RERE: variants seen among roughly 807,000 people sequenced by gnomAD.
The protein encoded by RERE is arginine-glutamic acid dipeptide repeats protein.
RERE carries 40 observed loss-of-function variants against 146.1 expected under a neutral mutation model. That is an observed-to-expected ratio of 0.27 (90% CI 0.21 to 0.36). The LOEUF (loss-of-function observed/expected upper bound fraction) is 0.36, where lower values mean the gene tolerates loss of function less well. RERE is among the 10% of genes least tolerant of loss of function. The pLI is 1.00. For missense variants in RERE, 1,933 were observed against 2,138.7 expected, an observed-to-expected ratio of 0.90 and a Z score of 1.90; for synonymous variants, 1,003 against 866.0, an observed-to-expected ratio of 1.16 and a Z score of -2.78.
chr1:8,576,298 A>C (rs767995797), intron 4 of RERE, among the ~76,000 whole-genome samples: 5 of 152,224 alleles, frequency 3.3e-5, no homozygotes, highest in African/African-American at 4.8e-5. Context: ...TGGAGAAATA[A>C]ATTTTAGTGC....
intron 2 of RERE, among the ~76,000 whole-genome samples, chr1:8,651,095 CA>C (rs200681098): frequency 3.9e-4 from 57 of 144,906 alleles, no homozygotes; most frequent in African/African-American, 4.5e-4. Context: ...GACTACGTCT[CA>C]AAAAAAAAAA....
chr1:8,578,757 C>T (rs998437213), intron 4 of RERE, among the ~76,000 whole-genome samples: 1 of 152,142 alleles, frequency 6.6e-6, no homozygotes, highest in Admixed American at 6.5e-5. Flanking sequence ...AAGGAAGCTG[C>T]TCCAGTTGAA....
chr1:8,673,301 G>A (rs904523046), intron 1 of RERE, among the ~76,000 whole-genome samples: 1 of 152,094 alleles, frequency 6.6e-6, no homozygotes, highest in Non-Finnish European at 1.5e-5. Context: ...TCACCACGTT[G>A]GCCAGGCTGG....
chr1:8,365,151 C>A (rs1428451076), intron 13 of RERE, among the ~76,000 whole-genome samples: 1 of 152,258 alleles, frequency 6.6e-6, no homozygotes, highest in African/African-American at 2.4e-5. Context: ...TGCTGCCTCC[C>A]TCCCTAATAC....
At chr1:8,580,334 C>A (rs2124049857) in intron 4 of RERE, among the ~76,000 whole-genome samples, 1 of 152,314 alleles carries the variant, frequency 6.6e-6, no homozygotes, top group East Asian at 1.9e-4. Flanking sequence ...GCATTTACCA[C>A]ATAACTGGTC....
chr1:8,811,121 T>C (rs1291055306), intron 1 of RERE, among the ~76,000 whole-genome samples: 1 of 152,152 alleles, frequency 6.6e-6, no homozygotes, highest in African/African-American at 2.4e-5. Flanking sequence ...TGTGTGGATA[T>C]ACTTCCCCAG....
intron 12 of RERE, among the ~76,000 whole-genome samples, chr1:8,416,927 A>G (rs1643791815): frequency 6.6e-6 from 1 of 152,200 alleles, no homozygotes; most frequent in African/African-American, 2.4e-5. Flanking sequence ...TTAACCAGTG[A>G]TGAGAGTGCT....
At chr1:8,437,616 C>T (rs1281711556) in intron 11 of RERE, among the ~76,000 whole-genome samples, 2 of 152,120 alleles carry the variant, frequency 1.3e-5, no homozygotes, top group African/African-American at 4.8e-5. Context: ...AATAGCGCTC[C>T]CATGATACCT....
chr1:8,661,814 T>A (rs76621010), intron 1 of RERE, among the ~76,000 whole-genome samples: 2,312 of 152,106 alleles, frequency 0.015, 62 homozygotes, highest in African/African-American at 0.053. Context: ...TTGGCAGAGG[T>A]CCAGGCTGGA....
intron 12 of RERE, among the ~76,000 whole-genome samples, chr1:8,398,064 A>G (rs554285549): frequency 2.6e-5 from 4 of 152,244 alleles, no homozygotes; most frequent in Non-Finnish European, 5.9e-5. Flanking sequence ...ATGATGTTCT[A>G]CAGGGGTATT....
At chr1:8,473,259 TC>T (rs1644712648) in intron 10 of RERE, among the ~76,000 whole-genome samples, 1 of 152,114 alleles carries the variant, frequency 6.6e-6, no homozygotes, top group Non-Finnish European at 1.5e-5. Context: ...GCAGCAGAAG[TC>T]CTTGGTGTCC....
At chr1:8,524,571 T>C (rs1645547405) in intron 7 of RERE, among the ~76,000 whole-genome samples, 2 of 152,206 alleles carry the variant, frequency 1.3e-5, no homozygotes, top group Admixed American at 1.3e-4. Context: ...TATTGTATGC[T>C]TTCTTCCATC....
chr1:8,541,906 G>T (rs1645805452), intron 6 of RERE, among the ~76,000 whole-genome samples: 1 of 151,992 alleles, frequency 6.6e-6, no homozygotes, highest in Non-Finnish European at 1.5e-5. Context: ...CAAATTTTGG[G>T]GTAACTTTAA....
At chr1:8,791,457 G>C (rs1641362234) in intron 1 of RERE, among the ~76,000 whole-genome samples, 1 of 152,112 alleles carries the variant, frequency 6.6e-6, no homozygotes, top group African/African-American at 2.4e-5. Context: ...TATCTTGCAA[G>C]AGACACTAAA....
chr1:8,528,232 T>C (rs1645594241), intron 7 of RERE, among the ~76,000 whole-genome samples: 1 of 152,166 alleles, frequency 6.6e-6, no homozygotes, highest in Non-Finnish European at 1.5e-5. Flanking sequence ...AAAAGGTCGA[T>C]GTCATAAAAA....
chr1:8,549,154 C>T (rs977317375), intron 6 of RERE, among the ~76,000 whole-genome samples: 4 of 152,118 alleles, frequency 2.6e-5, no homozygotes, highest in Non-Finnish European at 5.9e-5. Flanking sequence ...ACACACATGC[C>T]TAATACCCAG....
At chr1:8,359,005 C>T in intron 19 of RERE, 89 bp from the exon 20 acceptor site, 1 of 1,446,954 alleles carries the variant, frequency 6.9e-7, no homozygotes, top group Middle Eastern at 2.6e-4. Context: ...TGGTCCTGCT[C>T]CTGGCCTGCT....
intron 4 of RERE, among the ~76,000 whole-genome samples, chr1:8,589,506 T>A (rs985988083): frequency 1.3e-5 from 2 of 152,170 alleles, no homozygotes; most frequent in African/African-American, 4.8e-5. Flanking sequence ...CTTGCTAAAT[T>A]CCAAGTATTT....
chr1:8,414,578 A>G (rs1211126572), intron 12 of RERE, among the ~76,000 whole-genome samples: 2 of 152,000 alleles, frequency 1.3e-5, no homozygotes, highest in African/African-American at 4.8e-5. Flanking sequence ...TAACATTTCA[A>G]TAGTCAAATC....
Sources: gnomAD v4.1 joint callset for allele counts (sites outside exome capture counted in the v4.1 genomes callset) on GRCh38, gnomAD v4.1.1 for gene constraint, MANE v1.5 for transcripts, NCBI Gene and HGNC (gene_info 2026-07-23, HGNC 2026-07-21) for gene names.